The following HCN1 variants were observed in gnomAD, a reference collection of about 807,000 sequenced individuals.
The protein encoded by HCN1 is potassium/sodium hyperpolarization-activated cyclic nucleotide-gated channel 1.
Under a neutral mutation model 78.9 loss-of-function variants are expected in HCN1, and 13 were observed. The observed-to-expected ratio is 0.16, with a 90% CI of 0.11 to 0.26. The LOEUF is 0.26. HCN1 is among the 10% of genes least tolerant of loss of function. HCN1 has a pLI of 1.00. For synonymous variants in HCN1, 552 were observed against 455.5 expected, an observed-to-expected ratio of 1.21 and a Z score of -2.70; for missense variants, 810 against 1,154.3, an observed-to-expected ratio of 0.70 and a Z score of 4.32.
intron 1 of HCN1, among the ~76,000 whole-genome samples, chr5:45,664,665 A>C (rs1745997172): frequency 6.6e-6 from 1 of 151,944 alleles, no homozygotes; most frequent in African/African-American, 2.4e-5. Flanking sequence ...TCTCAAAAGA[A>C]GACATTTATG....
At chr5:45,582,790 G>T (rs1744108874) in intron 2 of HCN1, among the ~76,000 whole-genome samples, 1 of 152,112 alleles carries the variant, frequency 6.6e-6, no homozygotes, top group Non-Finnish European at 1.5e-5. Context: ...TGTGGTTTTT[G>T]TCTTTGGTTC....
rs150706907 is a variant in HCN1, at chr5:45,531,965, G to A, written c.850-69958C>T. On this transcript the variant is annotated intron_variant, in intron 2 of 7. Transcript: ENST00000303230. ...TGAGGCAGGAGAATTGCTTGAACCC[G>A]GGAGGCAGAGGTTGCAGAGAGCCGA... 3.6e-4 allele frequency among the ~76,000 whole-genome samples: 55 copies of A among 152,182 alleles called. No homozygotes were observed. The East Asian group carries it at 8.7e-3, about 24-fold the overall frequency.
chr5:45,376,075 AAT>A (rs1366136368), intron 4 of HCN1, among the ~76,000 whole-genome samples: 6 of 111,434 alleles, frequency 5.4e-5, no homozygotes, highest in African/African-American at 1.5e-4. Flanking sequence ...AATATGTTAT[AAT>A]ATATATTATA....
chr5:45,325,865 T>G (rs754184927), intron 5 of HCN1, among the ~76,000 whole-genome samples: 4 of 151,692 alleles, frequency 2.6e-5, no homozygotes, highest in Non-Finnish European at 5.9e-5. Flanking sequence ...TCTTATTTTT[T>G]AAAGAGATCT....
In HCN1 at chr5:45,278,858, T is replaced by C. The variant is rs146096900; in HGVS notation, c.1619-11605A>G. ...GGAGTCCTATAACCAAATCCAACCA[T>C]TGGCTTATTGAACTGCTTTTTTTAA... On this transcript the variant is annotated intron_variant, in intron 6 of 7. Transcript: ENST00000303230. 2.2e-3 allele frequency among the ~76,000 whole-genome samples: 334 copies of C among 152,242 alleles called. 1 individual carries two copies. The highest frequency in any genetic ancestry group is 7.7e-3 in the African/African-American group (322 of 41,576).
chr5:45,311,143 C>T (rs1293003321), intron 5 of HCN1, among the ~76,000 whole-genome samples: 1 of 152,106 alleles, frequency 6.6e-6, no homozygotes, highest in African/African-American at 2.4e-5. Context: ...ACGTGCACAT[C>T]CTGCACATGC....
intron 3 of HCN1, among the ~76,000 whole-genome samples, chr5:45,424,694 T>C (rs1437302365): frequency 6.6e-6 from 1 of 150,952 alleles, no homozygotes; most frequent in African/African-American, 2.4e-5. Flanking sequence ...ATTTTTGCTG[T>C]TTATTACTGA....
In HCN1 at chr5:45,257,158, A is replaced by G. The variant is rs1256426495; in HGVS notation, c.*4763T>C. 2.0e-5 allele frequency: 3 copies of G among 152,198 alleles called. 1 individual carries two copies. The highest frequency in any genetic ancestry group is 4.1e-4 in the South Asian group (2 of 4,830). The allele number at this position is 152,198 out of a possible 1,614,324, so 9.4% of individuals were successfully genotyped here. On this transcript the variant is annotated 3_prime_UTR_variant, in exon 8 of 8. Coordinates refer to ENST00000303230, the MANE Select transcript of HCN1 (RefSeq NM_021072.4). ...TTACATTAGCAAAACAGACATTTCAATGTGAATCCTCCCCGTTGATAAGCT... is the reference window on the plus strand; with the variant it reads ...TTACATTAGCAAAACAGACATTTCAGTGTGAATCCTCCCCGTTGATAAGCT...
chr5:45,514,801 G>A (rs922735104), intron 2 of HCN1, among the ~76,000 whole-genome samples: 5 of 151,926 alleles, frequency 3.3e-5, no homozygotes, highest in Non-Finnish European at 2.9e-5. Context: ...TTTAGTCTAC[G>A]AAACTCATGA....
intron 2 of HCN1, among the ~76,000 whole-genome samples, chr5:45,518,159 C>T (rs1009585328): frequency 3.3e-5 from 5 of 151,972 alleles, no homozygotes; most frequent in Non-Finnish European, 5.9e-5. Flanking sequence ...GAGGATTTAC[C>T]GGGAGGTTAC....
At chr5:45,607,760 T>C (rs529960820) in intron 2 of HCN1, among the ~76,000 whole-genome samples, 4 of 151,760 alleles carry the variant, frequency 2.6e-5, no homozygotes, top group African/African-American at 7.2e-5. Flanking sequence ...ATAAAAATTA[T>C]TGGCAAAAGC....
intron 4 of HCN1, among the ~76,000 whole-genome samples, chr5:45,376,584 T>C (rs1215214488): frequency 6.6e-6 from 1 of 151,668 alleles, no homozygotes; most frequent in Admixed American, 6.6e-5. Context: ...ATAACAAGCA[T>C]GATAACATTT....
intron 2 of HCN1, among the ~76,000 whole-genome samples, chr5:45,537,876 C>G (rs1299484927): frequency 6.6e-6 from 1 of 151,860 alleles, no homozygotes; most frequent in African/African-American, 2.4e-5. Flanking sequence ...CTGAGAATGT[C>G]AATTTTAAAA....
At chr5:45,675,517 G>GA (rs1017353755) in intron 1 of HCN1, among the ~76,000 whole-genome samples, 81 of 151,804 alleles carry the variant, frequency 5.3e-4, no homozygotes, top group Admixed American at 2.8e-3. Context: ...AACTAGTAGA[G>GA]AAAAAAATCA....
chr5:45,307,131 C>T (rs1392973), intron 5 of HCN1, among the ~76,000 whole-genome samples: 49,211 of 151,882 alleles, frequency 0.32, 10,313 homozygotes, highest in African/African-American at 0.58. Flanking sequence ...GCTGGAAAAA[C>T]TTGAGTAACA....
chr5:45,470,019 G>A (rs1037617405), intron 2 of HCN1, among the ~76,000 whole-genome samples: 4 of 151,970 alleles, frequency 2.6e-5, no homozygotes, highest in Non-Finnish European at 5.9e-5. Context: ...CCATTTGATA[G>A]GTGAACTCTA....
intron 5 of HCN1, among the ~76,000 whole-genome samples, chr5:45,327,667 T>C (rs1268039646): frequency 6.6e-6 from 1 of 151,636 alleles, no homozygotes; most frequent in African/African-American, 2.4e-5. Context: ...AGAATGTATT[T>C]AGATAGAGGG....
In HCN1 at chr5:45,303,647, T is replaced by C. The variant is rs1561096281; in HGVS notation, c.1570A>G (p.Thr524Ala). 1.9e-6 allele frequency: 3 copies of C among 1,613,510 alleles called. No homozygotes were observed. Among genetic ancestry groups the C allele is most frequent in the South Asian group, 2.2e-5 (2 of 91,076 alleles). The change falls in exon 6 of 8, where the codon ACA becomes GCA. Residue 524 changes from threonine to alanine, a missense_variant. Transcript: ENST00000303230. ...AGCTTCATTTCTTTACTGGATTTTG[T>C]AATGACACCAGCAACACCGTGTTGA... The part of the protein sequence containing the change: ...FIQHGVAGVI[T>A]KSSKEMKLTD...
At chr5:45,328,404 C>T (rs879910501) in intron 5 of HCN1, among the ~76,000 whole-genome samples, 1 of 151,486 alleles carries the variant, frequency 6.6e-6, no homozygotes, top group African/African-American at 2.4e-5. Flanking sequence ...CTGGCATATA[C>T]GAATGACCAG....
Sources: gnomAD v4.1 joint callset for allele counts (sites outside exome capture counted in the v4.1 genomes callset) on GRCh38, gnomAD v4.1.1 for gene constraint, MANE v1.5 for transcripts, NCBI Gene and HGNC (gene_info 2026-07-23, HGNC 2026-07-21) for gene names.